PPARGC1A: variants seen among roughly 807,000 people sequenced by gnomAD.
The protein encoded by PPARGC1A is peroxisome proliferator-activated receptor gamma coactivator 1-alpha.
A neutral mutation model predicts 88.7 loss-of-function variants in PPARGC1A; 25 were observed. The observed-to-expected ratio is 0.28, with a 90% CI of 0.21 to 0.39. The LOEUF (loss-of-function observed/expected upper bound fraction) is 0.39. PPARGC1A is among the 10% of genes least tolerant of loss of function. PPARGC1A has a pLI of 1.00. For missense variants in PPARGC1A, 880 were observed against 968.7 expected, an observed-to-expected ratio of 0.91 and a Z score of 1.22; for synonymous variants, 363 against 355.6, an observed-to-expected ratio of 1.02 and a Z score of -0.24.
At chr4:23,868,711 T>C (rs1712605706) in intron 2 of PPARGC1A, among the ~76,000 whole-genome samples, 1 of 152,212 alleles carries the variant, frequency 6.6e-6, no homozygotes, top group Non-Finnish European at 1.5e-5. Context: ...CGGCCACAAA[T>C]ACTTTCCTAA....
At chr4:24,150,934 C>A in the PPARGC1A span, among the ~76,000 whole-genome samples, 1 of 152,202 alleles carries the variant, frequency 6.6e-6, no homozygotes, top group African/African-American at 2.4e-5. Flanking sequence ...TATTTCCACG[C>A]ATCTCTTTCA....
At chr4:23,910,914 C>A in the PPARGC1A span, among the ~76,000 whole-genome samples, 1 of 152,048 alleles carries the variant, frequency 6.6e-6, no homozygotes, top group African/African-American at 2.4e-5. Flanking sequence ...ACCTGGGCAG[C>A]CTGGTTCCAG....
chr4:23,831,029 A>G (rs1039491828), intron 3 of PPARGC1A, among the ~76,000 whole-genome samples: 11 of 152,224 alleles, frequency 7.2e-5, no homozygotes, highest in African/African-American at 2.4e-4. Context: ...TAATTATTAT[A>G]CAATTTGAAA....
At chr4:23,863,119 T>G (rs142554851) in intron 2 of PPARGC1A, among the ~76,000 whole-genome samples, 3 of 152,254 alleles carry the variant, frequency 2.0e-5, no homozygotes, top group South Asian at 2.1e-4. Context: ...TATCACTTAA[T>G]ATGACAACAA....
chr4:24,155,148 G>C, the PPARGC1A span, among the ~76,000 whole-genome samples: 1 of 151,540 alleles, frequency 6.6e-6, no homozygotes, highest in East Asian at 1.9e-4. Flanking sequence ...CTATAGGTAG[G>C]AGTGTCACTG....
chr4:24,440,427 G>C, the PPARGC1A span, among the ~76,000 whole-genome samples: 6 of 152,222 alleles, frequency 3.9e-5, no homozygotes, highest in Non-Finnish European at 7.3e-5. Flanking sequence ...GCAAAGTACA[G>C]AACATGGCAC....
chr4:24,153,070 T>G, the PPARGC1A span, among the ~76,000 whole-genome samples: 170 of 152,338 alleles, frequency 1.1e-3, 1 homozygote, highest in Middle Eastern at 6.8e-3. Context: ...AGCACTGATT[T>G]GATTTCAGAC....
the PPARGC1A span, among the ~76,000 whole-genome samples, chr4:24,382,408 T>A: frequency 3.4e-3 from 515 of 152,284 alleles, 5 homozygotes; most frequent in African/African-American, 0.012. Context: ...TCCCTTAATG[T>A]TCTTATAAGA....
At chr4:24,041,754 A>C in the PPARGC1A span, among the ~76,000 whole-genome samples, 89 of 152,322 alleles carry the variant, frequency 5.8e-4, no homozygotes, top group South Asian at 1.0e-3. Context: ...AAGCACATAC[A>C]TGGATCCCAA....
the PPARGC1A span, among the ~76,000 whole-genome samples, chr4:23,938,474 C>G: frequency 1.3e-5 from 2 of 152,238 alleles, no homozygotes; most frequent in East Asian, 1.9e-4. Flanking sequence ...ACAAGACATG[C>G]CTTCCAGGAG....
intron 1 of PPARGC1A, chr4:23,899,146 C>T (rs1718990400): frequency 6.6e-6 from 1 of 152,208 alleles, no homozygotes; most frequent in Non-Finnish European, 1.5e-5. Context: ...CGCGCCTAGC[C>T]CCTGAGGTGG....
chr4:24,368,106 T>C, the PPARGC1A span, among the ~76,000 whole-genome samples: 2 of 152,180 alleles, frequency 1.3e-5, no homozygotes, highest in African/African-American at 2.4e-5. Context: ...TCTAATTCAC[T>C]CTCAAGTCAC....
intron 2 of PPARGC1A, among the ~76,000 whole-genome samples, chr4:23,882,447 G>A (rs539383897): frequency 5.3e-4 from 81 of 152,166 alleles, no homozygotes; most frequent in African/African-American, 1.8e-3. Context: ...ATTTTTTGTG[G>A]TGGGAGCTGT....
At chr4:24,264,896 A>G in the PPARGC1A span, among the ~76,000 whole-genome samples, 3 of 152,224 alleles carry the variant, frequency 2.0e-5, no homozygotes, top group African/African-American at 7.2e-5. Context: ...AAGACTTCAT[A>G]GTGAAATAAG....
chr4:23,976,476 C>A, the PPARGC1A span, among the ~76,000 whole-genome samples: 9 of 152,150 alleles, frequency 5.9e-5, no homozygotes, highest in Non-Finnish European at 8.8e-5. Flanking sequence ...ATACGATGGC[C>A]TGAATTGACT....
At chr4:24,305,165 A>G in the PPARGC1A span, among the ~76,000 whole-genome samples, 6 of 148,778 alleles carry the variant, frequency 4.0e-5, no homozygotes, top group East Asian at 3.9e-4. Context: ...ACACATATAT[A>G]TGTGTGTGTG....
chr4:24,286,074 C>G, the PPARGC1A span, among the ~76,000 whole-genome samples: 1 of 152,064 alleles, frequency 6.6e-6, no homozygotes. Context: ...TGAACCCATA[C>G]AGGCTTTCCC....
At chr4:24,126,124 G>T in the PPARGC1A span, among the ~76,000 whole-genome samples, 1 of 152,136 alleles carries the variant, frequency 6.6e-6, no homozygotes, top group Non-Finnish European at 1.5e-5. Flanking sequence ...GTAAGTAGCA[G>T]AATCAGATTC....
At chr4:23,862,468 C>T (rs572079197) in intron 2 of PPARGC1A, among the ~76,000 whole-genome samples, 4 of 151,442 alleles carry the variant, frequency 2.6e-5, no homozygotes, top group East Asian at 1.9e-4. Flanking sequence ...GGAATGATTA[C>T]GAATTTGACT....
Sources: gnomAD v4.1 joint callset for allele counts (sites outside exome capture counted in the v4.1 genomes callset) on GRCh38, gnomAD v4.1.1 for gene constraint, MANE v1.5 for transcripts, NCBI Gene and HGNC (gene_info 2026-07-23, HGNC 2026-07-21) for gene names.